Variants in CATSPER3 observed in about 807,000 individuals in gnomAD.
CATSPER3 encodes the protein cation channel sperm-associated protein 3.
CATSPER3 carries 23 observed loss-of-function variants against 36.6 expected under a neutral mutation model. That is an observed-to-expected ratio of 0.63 (90% confidence interval 0.45 to 0.89). The LOEUF (loss-of-function observed/expected upper bound fraction) is 0.89, where lower values mean the gene tolerates loss of function less well. Ranked by LOEUF, CATSPER3 falls within the 40% of genes least tolerant of loss-of-function variation. The probability of loss-of-function intolerance (pLI) is 0.00; values close to 1 mark genes in which losing one functional copy is unlikely to be tolerated. For synonymous variants in CATSPER3, 172 were observed against 184.1 expected (o/e 0.93, Z 0.53); for missense variants, 474 against 503.9 (o/e 0.94, Z 0.57).
intron 4 of CATSPER3, 91 bp from the exon 5 acceptor site, chr5:135,008,750 T>G: frequency 2.6e-6 from 3 of 1,133,382 alleles, no homozygotes; most frequent in South Asian, 2.5e-5. Flanking sequence ...ACCCTTCTCC[T>G]CAGTGGGCCT....
intron 3 of CATSPER3, among the ~76,000 whole-genome samples, chr5:134,998,218 CT>C (rs1289933728): frequency 6.6e-6 from 1 of 152,204 alleles, no homozygotes; most frequent in Non-Finnish European, 1.5e-5. Flanking sequence ...TCATTTCCAT[CT>C]TCATCCATGT....
chr5:134,981,175 C>G (rs750074921), intron 2 of CATSPER3, among the ~76,000 whole-genome samples: 6 of 147,804 alleles, frequency 4.1e-5, no homozygotes, highest in Non-Finnish European at 7.5e-5. Flanking sequence ...TTCCTTCTTT[C>G]TTTTTGCTTG....
intron 1 of CATSPER3, chr5:134,969,646 TG>T: frequency 2.3e-6 from 1 of 426,254 alleles, no homozygotes; most frequent in African/African-American, 2.0e-5. Context: ...AATAAAGATT[TG>T]TTGAGTCAAT....
chr5:134,991,818 A>G (rs1341198877), intron 2 of CATSPER3, among the ~76,000 whole-genome samples: 1 of 152,216 alleles, frequency 6.6e-6, no homozygotes, highest in Non-Finnish European at 1.5e-5. Context: ...ACATTCATGC[A>G]TCTAAGGACA....
chr5:134,981,591 A>G (rs1312422260), intron 2 of CATSPER3, among the ~76,000 whole-genome samples: 1 of 152,232 alleles, frequency 6.6e-6, no homozygotes, highest in Non-Finnish European at 1.5e-5. Context: ...GTTCTTTGCA[A>G]AAATAGTTTA....
intron 3 of CATSPER3, among the ~76,000 whole-genome samples, chr5:134,997,959 C>T (rs527360984): frequency 6.6e-6 from 1 of 152,274 alleles, no homozygotes; most frequent in East Asian, 1.9e-4. Flanking sequence ...TTCTAGGGTA[C>T]ACGTGCACAA....
At chr5:135,011,244 C>T (rs1188167497) in intron 7 of CATSPER3, among the ~76,000 whole-genome samples, 1 of 152,226 alleles carries the variant, frequency 6.6e-6, no homozygotes, top group Non-Finnish European at 1.5e-5. Flanking sequence ...TTTGGCCCAG[C>T]AGGGGTCAGT....
intron 2 of CATSPER3, among the ~76,000 whole-genome samples, chr5:134,986,326 T>C (rs1019324291): frequency 1.3e-5 from 2 of 151,906 alleles, no homozygotes; most frequent in African/African-American, 4.8e-5. Context: ...GTATTTTTAG[T>C]AGAGACACGG....
At chr5:135,007,752 C>A (rs1752108416) in intron 3 of CATSPER3, among the ~76,000 whole-genome samples, 1 of 152,214 alleles carries the variant, frequency 6.6e-6, no homozygotes, top group Non-Finnish European at 1.5e-5. Context: ...TCAATCTGGG[C>A]ACAGTTCTGA....
intron 2 of CATSPER3, among the ~76,000 whole-genome samples, chr5:134,985,058 A>T (rs1366559819): frequency 1.3e-5 from 2 of 152,142 alleles, no homozygotes; most frequent in African/African-American, 4.8e-5. Flanking sequence ...GCCTTGAGTG[A>T]TCTGCCCACC....
At chr5:134,985,499 C>T (rs1751797433) in intron 2 of CATSPER3, among the ~76,000 whole-genome samples, 1 of 152,102 alleles carries the variant, frequency 6.6e-6, no homozygotes, top group Non-Finnish European at 1.5e-5. Context: ...TGCACACCTA[C>T]ATGGGTGATG....
chr5:135,001,473 T>C (rs988793770), intron 3 of CATSPER3, among the ~76,000 whole-genome samples: 2 of 152,258 alleles, frequency 1.3e-5, no homozygotes, highest in Admixed American at 6.5e-5. Context: ...GGCGCAGAGC[T>C]GAGTTCAATT....
chr5:134,970,054 A>G lies in CATSPER3; in HGVS notation c.214A>G (p.Ser72Gly). The change falls in exon 2 of 8, where the codon AGT (serine) becomes GGT (glycine). Residue 72 changes from serine (S) to glycine (G), a missense_variant. Transcript: ENST00000282611. ...TGCGTTTTTTATGGCCTTGTGGACC[A>G]GTTATGACATAAGGTACCGCTTGTT... is the stretch of plus-strand genomic sequence containing the variant. ...SNAFFMALWTSYDIRYRLFRL... is the reference protein window; with the variant it reads ...SNAFFMALWTGYDIRYRLFRL... 1.2e-6 allele frequency: 2 copies of G among 1,614,168 alleles called. No homozygotes were observed. Among genetic ancestry groups the G allele is most frequent in the Non-Finnish European group, 1.7e-6 (2 of 1,180,016 alleles).
rs1554069590 is a variant in CATSPER3 at position 135,008,926 on chromosome 5, T to C, written c.761T>C (p.Leu254Pro). ...SRAFTIIFIL[L>P]ASFIFLNMFV... Reference sequence around the variant, plus strand: ...GCATTCACCATCATCTTCATCTTGCTCGCCTCTTTCATCTTCCTCAACATG... The same window carrying C: ...GCATTCACCATCATCTTCATCTTGCCCGCCTCTTTCATCTTCCTCAACATG... The change falls in exon 5 of 8, where the codon CTC becomes CCC. Residue 254 changes from leucine (L) to proline (P), a missense_variant. Coordinates refer to ENST00000282611, the MANE Select transcript of CATSPER3 (RefSeq NM_178019.3). The C allele has an allele frequency of 6.2e-7, 1 of 1,614,022 alleles. No individual in the cohort carries two copies. Among genetic ancestry groups the C allele is most frequent in the Non-Finnish European group, 8.5e-7 (1 of 1,179,932 alleles).
intron 2 of CATSPER3, among the ~76,000 whole-genome samples, chr5:134,973,824 A>G (rs1374697123): frequency 6.6e-6 from 1 of 152,200 alleles, no homozygotes; most frequent in African/African-American, 2.4e-5. Context: ...ATAATCTATG[A>G]GGTTTTAATG....
chr5:134,968,185 C>T (rs966086382), intron 1 of CATSPER3, 96 bp downstream of exon 1: 1 of 865,778 alleles, frequency 1.2e-6, no homozygotes, highest in African/African-American at 1.7e-5. Flanking sequence ...CCCTCAGATA[C>T]TCGTCTGCTT....
At chr5:134,981,683 A>G (rs1751753189) in intron 2 of CATSPER3, among the ~76,000 whole-genome samples, 1 of 152,226 alleles carries the variant, frequency 6.6e-6, no homozygotes, top group Admixed American at 6.5e-5. Context: ...TTGATTTCCA[A>G]ACTTACCACG....
chr5:135,009,501 C>T lies in CATSPER3; in HGVS notation c.936+11C>T. ...CTGATGCACATACAGGTGAGTGGCC[C>T]CTGCAGGCAGGTGGACAGATGGGTG... is the stretch of plus-strand genomic sequence containing the variant. On this transcript the variant is annotated intron_variant, in intron 6 of 7. Transcript: ENST00000282611. 1.5e-6 allele frequency: 2 copies of T among 1,337,344 alleles called. No homozygotes were observed. Among genetic ancestry groups the T allele is most frequent in the South Asian group, 2.4e-5 (2 of 83,910 alleles). 82.8% of individuals were successfully genotyped at this position (1,337,344 alleles called of 1,614,324 possible). A position where few individuals can be genotyped will look rare whatever the true frequency, so the allele number is the denominator to read the frequency against.
At chr5:135,010,720 T>A (rs1208162820) in intron 7 of CATSPER3, among the ~76,000 whole-genome samples, 190 bp downstream of exon 7, 3 of 152,142 alleles carry the variant, frequency 2.0e-5, no homozygotes, top group Non-Finnish European at 4.4e-5. Context: ...GGACGGGCCA[T>A]GGCTGGGGGG....
Sources: allele counts gnomAD v4.1 joint callset (sites outside exome capture counted in the v4.1 genomes callset), GRCh38; gene constraint gnomAD v4.1.1; transcripts MANE v1.5; gene names NCBI Gene and HGNC (gene_info 2026-07-23, HGNC 2026-07-21).